The following ANKRD31 variants were observed in gnomAD, a reference collection of about 807,000 sequenced individuals.
ANKRD31 encodes ankyrin repeat domain-containing protein 31.
In ANKRD31, 147 loss-of-function variants were observed where a neutral mutation model predicts 186.0. That is an observed-to-expected ratio of 0.79 (90% CI 0.69 to 0.91). The LOEUF is 0.91. Among genes scored for constraint, ANKRD31 ranks in the 40% least tolerant of loss-of-function variants. ANKRD31 has a pLI of 0.00. For missense variants in ANKRD31, 1,986 were observed against 2,148.8 expected, an observed-to-expected ratio of 0.92 and a Z score of 1.50; for synonymous variants, 673 against 736.4, an observed-to-expected ratio of 0.91 and a Z score of 1.39.
chr5:75,117,082 T>C (rs1748352814), intron 18 of ANKRD31, among the ~76,000 whole-genome samples: 1 of 152,210 alleles, frequency 6.6e-6, no homozygotes, highest in Non-Finnish European at 1.5e-5. Flanking sequence ...ATTGCCTCTG[T>C]AAAGTTCTCT....
chr5:75,096,066 G>A (rs1038135243), intron 22 of ANKRD31, among the ~76,000 whole-genome samples: 20 of 152,120 alleles, frequency 1.3e-4, no homozygotes, highest in Admixed American at 9.2e-4. Context: ...CATTCTTCAG[G>A]ATATGAGCTA....
At chr5:75,091,125 G>T in intron 23 of ANKRD31, 136 bp downstream of exon 23, 1 of 932,144 alleles carries the variant, frequency 1.1e-6, no homozygotes, top group Non-Finnish European at 1.6e-6. Flanking sequence ...TATGCATACA[G>T]CATATACAGA....
At chr5:75,145,706 A>G in intron 14 of ANKRD31, among the ~76,000 whole-genome samples, 1 of 151,824 alleles carries the variant, frequency 6.6e-6, no homozygotes, top group Non-Finnish European at 1.5e-5. Flanking sequence ...CGTTCTACAC[A>G]TGTATCCCAG....
chr5:75,193,465 A>T lies in ANKRD31; in HGVS notation c.1144T>A (p.Cys382Ser), dbSNP rs1304208168. 3.3e-6 allele frequency: 5 copies of T among 1,537,340 alleles called. No individual in the cohort carries two copies. Among genetic ancestry groups the T allele is most frequent in the Non-Finnish European group, 4.4e-6 (5 of 1,146,794 alleles). The change falls in exon 8 of 26, where the codon TGT becomes AGT. Residue 382 changes from cysteine (C) to serine (S), a missense_variant. Cys to Ser is a moderately radical substitution (Grantham distance 112, BLOSUM62 -1). Transcript: ENST00000506364. ...AGTCTGGATGATCTCCTCAACACAC[A>T]CGCAGTTTCCTGATCAGAGCTATTT... ...VTNSSDQETACVLRRSSRLEK... is the reference protein window; with the variant it reads ...VTNSSDQETASVLRRSSRLEK...
At chr5:75,168,653 TGCGTA>T (rs1314324606) in intron 11 of ANKRD31, among the ~76,000 whole-genome samples, 3 of 152,196 alleles carry the variant, frequency 2.0e-5, no homozygotes, top group African/African-American at 7.2e-5. Context: ...TGGACATAAC[TGCGTA>T]ACACTCTATA....
At chr5:75,074,147 G>A (rs985896881) in intron 25 of ANKRD31, among the ~76,000 whole-genome samples, 7 of 152,142 alleles carry the variant, frequency 4.6e-5, no homozygotes, top group Non-Finnish European at 8.8e-5. Context: ...GCAGAAGGCG[G>A]CACTTCCAGG....
At position 75,181,660 on chromosome 5, in the gene ANKRD31, C is replaced by T. The variant is rs368254913; in HGVS notation, c.1564+6833G>A. Among the ~76,000 whole-genome samples, 28 of 146,986 alleles carry T rather than the reference C, an allele frequency of 1.9e-4. 1 individual carries two copies. Among genetic ancestry groups the T allele is most frequent in the Admixed American group, 8.5e-4 (12 of 14,122 alleles). On this transcript the variant is annotated intron_variant, in intron 10 of 25. Coordinates refer to ENST00000506364, the MANE Select transcript of ANKRD31 (RefSeq NM_001372053.1). ...CAAAAAACCAAACACCGCATGTTCT[C>T]ACTCATAGGTGGGAATTGAACAATG...
chr5:75,236,709 T>G lies in ANKRD31; in HGVS notation c.-23A>C. 2 of 1,526,536 alleles carry G rather than the reference T, an allele frequency of 1.3e-6. No individual in the cohort carries two copies. Among genetic ancestry groups the G allele is most frequent in the South Asian group, 2.4e-5 (2 of 83,498 alleles). 94.6% of individuals were successfully genotyped at this position (1,526,536 alleles called of 1,614,324 possible). The stretch of plus-strand genomic sequence containing the variant: ...CATCTTTGCCTCACATTCAAAGTCT[T>G]TTTTACCCTCCTCTAACTCCCTCTT... On this transcript the variant is annotated 5_prime_UTR_variant, in exon 1 of 26. Coordinates refer to ENST00000506364, the MANE Select transcript of ANKRD31 (RefSeq NM_001372053.1).
intron 17 of ANKRD31, among the ~76,000 whole-genome samples, chr5:75,134,937 T>C (rs1476655206): frequency 6.6e-6 from 1 of 152,150 alleles, no homozygotes; most frequent in African/African-American, 2.4e-5. Context: ...TCTCAACAGT[T>C]GCAGAAAAGG....
chr5:75,220,772 C>A (rs1757247512), intron 3 of ANKRD31, among the ~76,000 whole-genome samples: 1 of 151,910 alleles, frequency 6.6e-6, no homozygotes, highest in Non-Finnish European at 1.5e-5. Flanking sequence ...CAATGAGATA[C>A]CAGCTCACAC....
intron 10 of ANKRD31, among the ~76,000 whole-genome samples, chr5:75,173,165 A>G (rs1048570108): frequency 1.2e-4 from 18 of 152,306 alleles, no homozygotes; most frequent in African/African-American, 3.8e-4. Context: ...GATGCAGAAA[A>G]GGCCTTCAAA....
intron 10 of ANKRD31, among the ~76,000 whole-genome samples, chr5:75,174,861 C>T (rs1580483738): frequency 6.6e-6 from 1 of 152,326 alleles, no homozygotes; most frequent in African/African-American, 2.4e-5. Context: ...CCATTTGACG[C>T]AGCCATCCCA....
In ANKRD31 at chr5:75,116,597, T is replaced by C; in HGVS notation, c.4124A>G (p.His1375Arg). ...GKTIDSSSLS[H>R]QERSRESLSV... ...AAGGCTTTCTCTTGATCTTTCTTGG[T>C]GTGAAAGGGAAGATGAGTCAATAGT... Residue 1375 changes from histidine to arginine, a missense_variant, in exon 19 of 26, where the codon CAC (histidine) becomes CGC (arginine). Coordinates refer to ENST00000506364, the MANE Select transcript of ANKRD31 (RefSeq NM_001372053.1). The C allele has an allele frequency of 6.8e-7, 1 of 1,467,872 alleles. No homozygotes were observed. The highest frequency in any genetic ancestry group is 1.4e-5 in the African/African-American group (1 of 72,268). The allele number at this position is 1,467,872 out of a possible 1,614,324, so 90.9% of individuals were successfully genotyped here.
chr5:75,136,401 A>C (rs1235593509), intron 17 of ANKRD31, among the ~76,000 whole-genome samples: 2 of 152,246 alleles, frequency 1.3e-5, no homozygotes, highest in Non-Finnish European at 2.9e-5. Flanking sequence ...CAGCCAACAG[A>C]CACATGAAAA....
chr5:75,141,202 A>T (rs938815301), intron 15 of ANKRD31, among the ~76,000 whole-genome samples: 3 of 152,178 alleles, frequency 2.0e-5, no homozygotes, highest in African/African-American at 7.2e-5. Flanking sequence ...TTCTCTAAAA[A>T]ATGGATTCTT....
chr5:75,134,361 T>A (rs1418445500), intron 17 of ANKRD31, among the ~76,000 whole-genome samples: 1 of 152,050 alleles, frequency 6.6e-6, no homozygotes, highest in African/African-American at 2.4e-5. Context: ...AAATACAAAC[T>A]ACCATCAGAG....
At chr5:75,187,910 G>A (rs970569842) in intron 10 of ANKRD31, among the ~76,000 whole-genome samples, 2 of 152,080 alleles carry the variant, frequency 1.3e-5, no homozygotes, top group Non-Finnish European at 2.9e-5. Context: ...ATTGTTCAGT[G>A]TATTAAGTAC....
intron 10 of ANKRD31, among the ~76,000 whole-genome samples, chr5:75,187,110 T>TTGTGTGTGTG (rs57013241): frequency 0.031 from 3,642 of 116,124 alleles, 114 homozygotes; most frequent in African/African-American, 0.07. Flanking sequence ...TGATTCTGTT[T>TTGTGTGTGTG]TGTGTGTGTG....
At chr5:75,114,028 G>A (rs886436310) in intron 19 of ANKRD31, among the ~76,000 whole-genome samples, 3 of 152,156 alleles carry the variant, frequency 2.0e-5, no homozygotes, top group African/African-American at 7.2e-5. Context: ...AGGTTTCATT[G>A]AGGATGCTAC....
Sources: gnomAD v4.1 joint callset for allele counts (sites outside exome capture counted in the v4.1 genomes callset) on GRCh38, gnomAD v4.1.1 for gene constraint, MANE v1.5 for transcripts, NCBI Gene and HGNC (gene_info 2026-07-23, HGNC 2026-07-21) for gene names.